PRMT8: variants seen among roughly 807,000 people sequenced by gnomAD.
The protein encoded by PRMT8 is protein arginine methyltransferase 8.
Under a neutral mutation model 47.1 loss-of-function variants are expected in PRMT8, and 7 were observed. The observed-to-expected ratio is 0.15, with a 90% CI of 0.08 to 0.28. PRMT8 has a LOEUF of 0.28. Among genes scored for constraint, PRMT8 ranks in the 10% least tolerant of loss-of-function variants. The pLI is 1.00. For synonymous variants in PRMT8, 188 were observed against 186.5 expected (o/e 1.01, Z -0.07); for missense variants, 237 against 505.4 (o/e 0.47, Z 5.09).
chr12:3,442,920 G>T (rs1864818887), intron 1 of PRMT8, among the ~76,000 whole-genome samples: 2 of 152,106 alleles, frequency 1.3e-5, no homozygotes. Context: ...GCCTCCCAAA[G>T]TGCTGGGATT....
intron 1 of PRMT8, among the ~76,000 whole-genome samples, chr12:3,415,223 C>T (rs888575020): frequency 1.3e-5 from 2 of 152,274 alleles, no homozygotes; most frequent in Admixed American, 6.5e-5. Flanking sequence ...TGGGGCGAGG[C>T]ATGGGGAAGG....
At chr12:3,540,546 C>A in intron 1 of PRMT8, 60 bp from the exon 2 acceptor site, 1 of 1,162,140 alleles carries the variant, frequency 8.6e-7, no homozygotes, top group Non-Finnish European at 1.3e-6. Context: ...GGACCGCAAG[C>A]CTCCGAGGGC....
chr12:3,422,255 G>A (rs559482356), intron 1 of PRMT8, among the ~76,000 whole-genome samples: 2 of 152,312 alleles, frequency 1.3e-5, no homozygotes, highest in African/African-American at 2.4e-5. Flanking sequence ...GCCAACCTTC[G>A]TGGTTACCTG....
intron 4 of PRMT8, among the ~76,000 whole-genome samples, chr12:3,559,277 A>G (rs1467883666): frequency 1.3e-5 from 2 of 152,084 alleles, no homozygotes; most frequent in Non-Finnish European, 2.9e-5. Flanking sequence ...AGCACAAGAC[A>G]TTCCAGGCTT....
At chr12:3,571,659 T>C (rs936204889) in intron 6 of PRMT8, among the ~76,000 whole-genome samples, 14 of 152,192 alleles carry the variant, frequency 9.2e-5, no homozygotes, top group Non-Finnish European at 2.9e-5. Flanking sequence ...CATGTTATCT[T>C]GTGCTTGTTC....
At chr12:3,517,532 G>T (rs1053178452) in intron 1 of PRMT8, among the ~76,000 whole-genome samples, 5 of 152,132 alleles carry the variant, frequency 3.3e-5, no homozygotes, top group African/African-American at 1.2e-4. Flanking sequence ...TAGGAAAATT[G>T]AACTATAAGT....
At chr12:3,496,212 A>ATT (rs1444249290) in intron 1 of PRMT8, among the ~76,000 whole-genome samples, 18 of 19,394 alleles carry the variant, frequency 9.3e-4, no homozygotes, top group East Asian at 6.0e-3. Context: ...ATATATATAT[A>ATT]TATTTTTTTT....
chr12:3,402,065 AC>A (rs1326548158), intron 1 of PRMT8, among the ~76,000 whole-genome samples: 3 of 152,196 alleles, frequency 2.0e-5, no homozygotes, highest in Non-Finnish European at 4.4e-5. Context: ...GCATCACCCT[AC>A]CCAACTTCAA....
At chr12:3,568,320 A>AG (rs1565444522) in intron 4 of PRMT8, among the ~76,000 whole-genome samples, 1 of 149,440 alleles carries the variant, frequency 6.7e-6, no homozygotes, top group Non-Finnish European at 1.5e-5. Context: ...AAGAGGTGGA[A>AG]GGGGAGGCAG....
At chr12:3,515,658 C>G (rs951525508) in intron 1 of PRMT8, among the ~76,000 whole-genome samples, 1 of 152,242 alleles carries the variant, frequency 6.6e-6, no homozygotes, top group Admixed American at 6.5e-5. Context: ...CTGCACAGAA[C>G]CCACCCACAT....
chr12:3,441,566 G>A (rs980965197), intron 1 of PRMT8, among the ~76,000 whole-genome samples: 1 of 152,186 alleles, frequency 6.6e-6, no homozygotes, highest in Non-Finnish European at 1.5e-5. Flanking sequence ...GAAAGGCCTG[G>A]CACACAGAGG....
intron 1 of PRMT8, among the ~76,000 whole-genome samples, chr12:3,389,165 G>A (rs952575262): frequency 2.6e-5 from 4 of 152,108 alleles, no homozygotes; most frequent in Admixed American, 6.5e-5. Context: ...TGGGGGTACC[G>A]AGAGATGGAG....
At position 3,492,387 on chromosome 12, in the gene PRMT8, G is replaced by A. The variant is rs1865433263; in HGVS notation, c.75+687G>A. ...GGCCGCGGCCACCTTCAGCACCAGG[G>A]ACAGCGTCCGCCCCTGCAGCAGCCG... On this transcript the variant is annotated intron_variant, in intron 1 of 9. Coordinates refer to ENST00000382622, the MANE Select transcript of PRMT8 (RefSeq NM_019854.5). This position sits in a 1 kb window ranked among gnomAD's most constrained non-coding sequence, Gnocchi z 7.5. Among the ~76,000 whole-genome samples the A allele has an allele frequency of 1.3e-5, 2 of 152,160 alleles. No individual in the cohort carries two copies. Among genetic ancestry groups the A allele is most frequent in the Non-Finnish European group, 2.9e-5 (2 of 68,018 alleles).
rs34000611 is a variant in PRMT8 at position 3,592,298 on chromosome 12, G to A, written c.1047G>A (p.Arg349=). 196,598 of 1,597,338 alleles carry A rather than the reference G, an allele frequency of 0.12. 12,581 individuals carry two copies. Among genetic ancestry groups the A allele is most frequent in the Non-Finnish European group, 0.13 (157,537 of 1,173,138 alleles). Residue 349 remains arginine (R), a synonymous_variant, in exon 9 of 10, where the codon CGG becomes CGA. Coordinates refer to ENST00000382622, the MANE Select transcript of PRMT8 (RefSeq NM_019854.5). ...ACTTGGAAGATTACCTCACTGTCCGGAGGGGGGAGGAAATCTACGGGACCA... is the reference window on the plus strand; with the variant it reads ...ACTTGGAAGATTACCTCACTGTCCGAAGGGGGGAGGAAATCTACGGGACCA... ...VFYLEDYLTV[R]RGEEIYGTIS...
chr12:3,403,390 A>C (rs1864337997), intron 1 of PRMT8, among the ~76,000 whole-genome samples: 1 of 151,954 alleles, frequency 6.6e-6, no homozygotes, highest in African/African-American at 2.4e-5. Context: ...TGACAGGATG[A>C]TCTGTGCAGC....
At chr12:3,461,086 G>A (rs1459747726) in intron 1 of PRMT8, among the ~76,000 whole-genome samples, 2 of 152,246 alleles carry the variant, frequency 1.3e-5, no homozygotes, top group African/African-American at 2.4e-5. Context: ...CACCCACTCA[G>A]CTGTTTATTT....
rs575332999 is a variant in PRMT8 at position 3,439,745 on chromosome 12, C to T, written c.48+58303C>T. Among the ~76,000 whole-genome samples, 26 of 152,308 alleles carry T rather than the reference C, an allele frequency of 1.7e-4. 1 individual carries two copies. The South Asian group carries it at 5.0e-3, about 29-fold the overall frequency. ...GTGGGGGTGTCTCTAGGGGGCTCAA[C>T]TTTAACCTAACGGGAACCACAGAGT... On this transcript the variant is annotated intron_variant, in intron 1 of 9. Coordinates refer to the PRMT8 transcript ENST00000452611.
At chr12:3,468,533 G>A (rs563141325) in intron 1 of PRMT8, among the ~76,000 whole-genome samples, 18 of 152,328 alleles carry the variant, frequency 1.2e-4, no homozygotes, top group Admixed American at 2.6e-4. Flanking sequence ...AGGCCCAGTC[G>A]TTGGCATCAG....
At chr12:3,435,632 C>T (rs1024758162) in intron 1 of PRMT8, among the ~76,000 whole-genome samples, 3 of 151,718 alleles carry the variant, frequency 2.0e-5, no homozygotes, top group African/African-American at 4.8e-5. Flanking sequence ...TGCCATTCTC[C>T]TGCCTCAGCC....
Sources: gnomAD v4.1 joint callset for allele counts (sites outside exome capture counted in the v4.1 genomes callset) on GRCh38, gnomAD v4.1.1 for gene constraint, Gnocchi (gnomAD v3.1) non-coding constraint, MANE v1.5 for transcripts, NCBI Gene and HGNC (gene_info 2026-07-23, HGNC 2026-07-21) for gene names.